FLOT1: variants seen among roughly 807,000 people sequenced by gnomAD.
The protein encoded by FLOT1 is flotillin 1, also known as flotillin-1.
In FLOT1, 40 loss-of-function variants were observed where a neutral mutation model predicts 58.4. That is an observed-to-expected ratio of 0.69 (90% CI 0.53 to 0.89). The LOEUF is 0.89. FLOT1 is among the 40% of genes least tolerant of loss of function. The probability of loss-of-function intolerance (pLI) is 0.00; values close to 1 mark genes in which losing one functional copy is unlikely to be tolerated. For missense variants in FLOT1, 423 were observed against 540.8 expected, an observed-to-expected ratio of 0.78 and a Z score of 2.16; for synonymous variants, 178 against 204.2, an observed-to-expected ratio of 0.87 and a Z score of 1.09.
intron 8 of FLOT1, among the ~76,000 whole-genome samples, chr6:30,732,204 A>G (rs2127766379): frequency 6.6e-6 from 1 of 151,924 alleles, no homozygotes; most frequent in African/African-American, 2.4e-5. Flanking sequence ...CCTGATCTCA[A>G]GTGATCCATC....
chr6:30,735,927 C>T (rs74295300), intron 8 of FLOT1, among the ~76,000 whole-genome samples: 11,269 of 152,048 alleles, frequency 0.074, 674 homozygotes, highest in African/African-American at 0.16. Flanking sequence ...CTCTGGTTTC[C>T]GTTCCTATTT....
rs546660376 is a variant in FLOT1, at chr6:30,728,438, T to G, written c.1255-293A>C. ...GAACCCAGCTTGAAGGTCATTGGTA[T>G]GATCCAGTGCTTTTATTTACATACG... On this transcript the variant is annotated intron_variant, in intron 12 of 12. Transcript: ENST00000376389. Among the ~76,000 whole-genome samples the G allele has an allele frequency of 7.2e-5, 11 of 152,020 alleles. No individual in the cohort carries two copies. The East Asian group carries it at 2.1e-3, about 29-fold the overall frequency.
intron 11 of FLOT1, 35 bp from the exon 12 acceptor site, chr6:30,730,221 ATCTGACCACAT>A: frequency 6.2e-7 from 1 of 1,607,422 alleles, no homozygotes; most frequent in Non-Finnish European, 8.5e-7. Context: ...AGTGCCCATG[ATCTGACCACAT>A]TCCTCATAAA....
chr6:30,742,336 G>A lies in FLOT1; in HGVS notation c.-14-133C>T, dbSNP rs1778064832. On this transcript the variant is annotated intron_variant, in intron 1 of 12. Coordinates refer to ENST00000376389, the MANE Select transcript of FLOT1 (RefSeq NM_005803.4). This position sits in a 1 kb window ranked among gnomAD's most constrained non-coding sequence, Gnocchi z 5.2. ...CACGGCCCGTCCCTTCTACACCCATGGGTCCGCTAAGGCTTTTCCCTACAA... is the reference window on the plus strand; with the variant it reads ...CACGGCCCGTCCCTTCTACACCCATAGGTCCGCTAAGGCTTTTCCCTACAA... 1 of 735,414 alleles carries A rather than the reference G, an allele frequency of 1.4e-6. No individual in the cohort carries two copies. The highest frequency in any genetic ancestry group is 2.3e-5 in the Admixed American group (1 of 42,868). The allele number at this position is 735,414 out of a possible 1,614,324, so 45.6% of individuals were successfully genotyped here. A position where few individuals can be genotyped will look rare whatever the true frequency, so the allele number is the denominator to read the frequency against.
chr6:30,730,403 C>T, intron 11 of FLOT1, 25 bp downstream of exon 11: 1 of 1,543,828 alleles, frequency 6.5e-7, no homozygotes, highest in Non-Finnish European at 8.7e-7. Flanking sequence ...TTCCTCCTTT[C>T]TTGGTGCCCA....
At chr6:30,735,123 C>A (rs1182291809) in intron 8 of FLOT1, among the ~76,000 whole-genome samples, 1 of 151,766 alleles carries the variant, frequency 6.6e-6, no homozygotes, top group Non-Finnish European at 1.5e-5. Context: ...GAGCAGTCTT[C>A]TGATCTCTTT....
At chr6:30,735,652 TA>T (rs1415554244) in intron 8 of FLOT1, among the ~76,000 whole-genome samples, 21 of 151,716 alleles carry the variant, frequency 1.4e-4, no homozygotes, top group African/African-American at 4.8e-4. Context: ...AAAACATAAA[TA>T]AAATAGATAA....
rs200009722 is a variant in FLOT1 at position 30,730,941 on chromosome 6, C to G, written c.883G>C (p.Glu295Gln). The G allele has an allele frequency of 6.2e-7, 1 of 1,613,474 alleles. No individual in the cohort carries two copies. The highest frequency in any genetic ancestry group is 8.5e-7 in the Non-Finnish European group (1 of 1,179,618). The change falls in exon 9 of 13, where the codon GAG becomes CAG. Residue 295 changes from glutamate to glutamine, a missense_variant. Coordinates refer to ENST00000376389, the MANE Select transcript of FLOT1 (RefSeq NM_005803.4). ...TACTTCTCTGCCTCGGCTAGGCGCT[C>G]CAGCTTGTAGCGCTCCGCTTCCGCT... is the stretch of plus-strand genomic sequence containing the variant. ...KPAEAERYKL[E>Q]RLAEAEKSQL...
intron 8 of FLOT1, among the ~76,000 whole-genome samples, chr6:30,732,711 G>A (rs1205106979): frequency 6.6e-6 from 1 of 152,118 alleles, no homozygotes; most frequent in Non-Finnish European, 1.5e-5. Flanking sequence ...CATCATTGTA[G>A]GTCTCATCAA....
intron 12 of FLOT1, among the ~76,000 whole-genome samples, chr6:30,729,131 G>A (rs1033524196): frequency 6.6e-6 from 1 of 150,682 alleles, no homozygotes; most frequent in African/African-American, 2.5e-5. Flanking sequence ...CTGGAGTGCA[G>A]TGGTGTGATC....
In FLOT1 at chr6:30,741,467, C is replaced by T. The variant is rs1777973936; in HGVS notation, c.211-134G>A. 1.5e-6 allele frequency: 2 copies of T among 1,319,688 alleles called. No individual in the cohort carries two copies. Among genetic ancestry groups the T allele is most frequent in the Non-Finnish European group, 2.1e-6 (2 of 932,364 alleles). 81.7% of individuals were successfully genotyped at this position (1,319,688 alleles called of 1,614,324 possible). On this transcript the variant is annotated intron_variant, in intron 4 of 12. Coordinates refer to ENST00000376389, the MANE Select transcript of FLOT1 (RefSeq NM_005803.4). This position sits in a 1 kb window ranked among gnomAD's most constrained non-coding sequence, Gnocchi z 5.9. Reference sequence around the variant, plus strand: ...GAAAGAAAGGAGGAGGAGGCAAGTGCCTTGGGGTGCCTGGAAAAGATGAGA... The same window carrying T: ...GAAAGAAAGGAGGAGGAGGCAAGTGTCTTGGGGTGCCTGGAAAAGATGAGA...
At chr6:30,730,832 G>A (rs1777125828) in intron 9 of FLOT1, 87 bp downstream of exon 9, 3 of 1,602,584 alleles carry the variant, frequency 1.9e-6, no homozygotes, top group Admixed American at 3.3e-5. Context: ...AAATCCATAG[G>A]AGTCCAGGTG....
Position 30,742,216 on chromosome 6 carries a change from G to A in FLOT1, c.-14-13C>T, listed in dbSNP as rs779712470. 6.2e-7 allele frequency: 1 copy of A among 1,612,454 alleles called. No individual in the cohort carries two copies. The highest frequency in any genetic ancestry group is 8.5e-7 in the Non-Finnish European group (1 of 1,179,602). On this transcript the variant is annotated splice_polypyrimidine_tract_variant and intron_variant, in intron 1 of 12. Transcript: ENST00000376389. The surrounding 1 kb of genome is among the most constrained non-coding windows in gnomAD (Gnocchi z 5.2). ...GTTCAGGCTGGAGCTGGAGGAGAGGGAGGGAAAGCCTTTGCGGATGGGGAA... is the reference window on the plus strand; with the variant it reads ...GTTCAGGCTGGAGCTGGAGGAGAGGAAGGGAAAGCCTTTGCGGATGGGGAA...
Position 30,740,784 on chromosome 6 carries a change from G to A in FLOT1, c.369C>T (p.Asp123=). 1.2e-6 allele frequency: 2 copies of A among 1,610,590 alleles called. No homozygotes were observed. Among genetic ancestry groups the A allele is most frequent in the Non-Finnish European group, 1.7e-6 (2 of 1,179,156 alleles). The change falls in exon 6 of 13, where the codon GAC becomes GAT. Residue 123 remains aspartate (D), a synonymous_variant. Transcript: ENST00000376389. Reference sequence around the variant, plus strand: ...AAACCTGTTCTGAGAATTTCTGCCTGTCCTTATAGATCTCCTGTGATAACA... The same window carrying A: ...AAACCTGTTCTGAGAATTTCTGCCTATCCTTATAGATCTCCTGTGATAACA... ...AHMTVEEIYK[D]RQKFSEQVFK...
At position 30,728,140 on chromosome 6, in the gene FLOT1, A is replaced by G. The variant is rs1270165059; in HGVS notation, c.1260T>C (p.Asn420=). The G allele has an allele frequency of 6.2e-7, 1 of 1,612,888 alleles. No homozygotes were observed. The highest frequency in any genetic ancestry group is 8.5e-7 in the Non-Finnish European group (1 of 1,179,974). The change falls in exon 13 of 13, where the codon AAT becomes AAC. Residue 420 remains asparagine, a synonymous_variant. Transcript: ENST00000376389. ...RLTGVSISQV[N]HKPLRTA The stretch of plus-strand genomic sequence containing the variant: ...CTCAGGCTGTTCTCAAAGGCTTGTG[A>G]TTCACCTGGCAAAAAGACAACAGTA...
intron 7 of FLOT1, 73 bp from the exon 8 acceptor site, chr6:30,740,383 C>T (rs1777881656): frequency 1.3e-6 from 2 of 1,595,620 alleles, no homozygotes; most frequent in Non-Finnish European, 1.7e-6. Flanking sequence ...CTGCTTCCCA[C>T]CAAGGTTCTC....
intron 8 of FLOT1, chr6:30,736,178 G>A (rs1057054163): frequency 6.6e-6 from 1 of 152,186 alleles, no homozygotes; most frequent in Non-Finnish European, 1.5e-5. Context: ...CTTGAGCCCA[G>A]GCAGTTGAAG....
chr6:30,731,293 T>C lies in FLOT1; in HGVS notation c.724-193A>G, dbSNP rs3778628. 8.5e-3 allele frequency among the ~76,000 whole-genome samples: 1,292 copies of C among 152,230 alleles called. 24 individuals are homozygous for C. Among genetic ancestry groups the C allele is most frequent in the East Asian group, 0.073 (378 of 5,160 alleles). On this transcript the variant is annotated intron_variant, in intron 8 of 12. Coordinates refer to ENST00000376389, the MANE Select transcript of FLOT1 (RefSeq NM_005803.4). ...TGAGTTCAGGAGCTCGAGACCAGCCTGGCCAACATGGTGAAACCCTGTCTC... is the reference window on the plus strand; with the variant it reads ...TGAGTTCAGGAGCTCGAGACCAGCCCGGCCAACATGGTGAAACCCTGTCTC...
rs748872631 is a variant in FLOT1 at position 30,730,991 on chromosome 6, T to G, written c.833A>C (p.Glu278Ala). 1 of 1,613,902 alleles carries G rather than the reference T, an allele frequency of 6.2e-7. No individual in the cohort carries two copies. Among genetic ancestry groups the G allele is most frequent in the Non-Finnish European group, 8.5e-7 (1 of 1,179,994 alleles). The change falls in exon 9 of 13, where the codon GAG (glutamate) becomes GCG (alanine). Residue 278 changes from glutamate to alanine, a missense_variant. Transcript: ENST00000376389. ...TGGCTTCCGCACCCGGGCCTCCAGC[T>G]CCTTCTCCCGCCGGGCGATCTCCTG... ...QEQEIARREKELEARVRKPAE... is the reference protein window; with the variant it reads ...QEQEIARREKALEARVRKPAE...
Sources: allele counts gnomAD v4.1 joint callset (sites outside exome capture counted in the v4.1 genomes callset), GRCh38; gene constraint gnomAD v4.1.1; non-coding constraint Gnocchi (gnomAD v3.1); transcripts MANE v1.5; gene names NCBI Gene and HGNC (gene_info 2026-07-23, HGNC 2026-07-21).